Variants in GUCY1A2 observed in about 807,000 individuals in gnomAD.
GUCY1A2 encodes guanylate cyclase soluble subunit alpha-2.
A neutral mutation model predicts 63.5 loss-of-function variants in GUCY1A2; 27 were observed. The ratio of observed to expected loss-of-function variants is 0.43; its 90% CI spans 0.31 to 0.59. The LOEUF (loss-of-function observed/expected upper bound fraction) is 0.59. Ranked by LOEUF, GUCY1A2 falls within the 20% of genes least tolerant of loss-of-function variation. GUCY1A2 has a pLI of 0.11. For synonymous variants in GUCY1A2, 364 were observed against 343.5 expected, an observed-to-expected ratio of 1.06 and a Z score of -0.66; for missense variants, 768 against 913.3, an observed-to-expected ratio of 0.84 and a Z score of 2.05.
intron 4 of GUCY1A2, among the ~76,000 whole-genome samples, chr11:106,847,552 C>T (rs2135448194): frequency 6.6e-6 from 1 of 151,230 alleles, no homozygotes; most frequent in South Asian, 2.1e-4. Context: ...CCCTGGGGAC[C>T]CAAAGGAAGG....
intron 4 of GUCY1A2, among the ~76,000 whole-genome samples, chr11:106,935,103 G>C (rs1337608012): frequency 6.6e-6 from 1 of 152,136 alleles, no homozygotes; most frequent in East Asian, 1.9e-4. Flanking sequence ...TAGAATGTGT[G>C]ACAAGTGGTC....
chr11:106,882,322 T>C (rs562984589), intron 4 of GUCY1A2, among the ~76,000 whole-genome samples: 23 of 152,112 alleles, frequency 1.5e-4, no homozygotes, highest in African/African-American at 5.5e-4. Flanking sequence ...ACTTACATTA[T>C]GCAAAATGGA....
rs551336128 is a variant in GUCY1A2 at position 106,935,003 on chromosome 11, G to A, written c.1206+4457C>T. ...TAGTAGATACAGGTAATGAAAACTC[G>A]ATTCCAAACCTTCATCAATCTGACA... On this transcript the variant is annotated intron_variant, in intron 4 of 7. Transcript: ENST00000526355. Among the ~76,000 whole-genome samples the A allele has an allele frequency of 3.0e-4, 45 of 152,254 alleles. No homozygotes were observed. The South Asian group carries it at 5.0e-3, about 17-fold the overall frequency.
intron 6 of GUCY1A2, among the ~76,000 whole-genome samples, chr11:106,744,463 T>C (rs1476212780): frequency 6.6e-6 from 1 of 152,190 alleles, no homozygotes; most frequent in East Asian, 1.9e-4. Context: ...CATAAATGCT[T>C]TTTAAATCAT....
At chr11:106,787,065 A>C (rs1297568385) in intron 5 of GUCY1A2, among the ~76,000 whole-genome samples, 3 of 152,126 alleles carry the variant, frequency 2.0e-5, no homozygotes, top group Admixed American at 6.5e-5. Flanking sequence ...TCAAGTGAAA[A>C]TATTAAGAAT....
chr11:106,909,777 T>C (rs1275970471), intron 4 of GUCY1A2, among the ~76,000 whole-genome samples: 2 of 151,982 alleles, frequency 1.3e-5, no homozygotes, highest in East Asian at 3.9e-4. Flanking sequence ...TGGGTTGCTT[T>C]TGGTTTTTAG....
chr11:106,960,968 G>A (rs538983186), intron 3 of GUCY1A2, among the ~76,000 whole-genome samples: 77 of 152,138 alleles, frequency 5.1e-4, no homozygotes, highest in African/African-American at 1.8e-3. Flanking sequence ...TTAAATTTGG[G>A]GAACAGTGAG....
At chr11:106,759,125 T>C (rs1864021716) in intron 6 of GUCY1A2, among the ~76,000 whole-genome samples, 1 of 150,648 alleles carries the variant, frequency 6.6e-6, no homozygotes, top group South Asian at 2.1e-4. Flanking sequence ...GTAACAAACA[T>C]GCACATGTAC....
At chr11:106,895,994 G>A (rs1250432098) in intron 4 of GUCY1A2, among the ~76,000 whole-genome samples, 1 of 145,910 alleles carries the variant, frequency 6.9e-6, no homozygotes, top group Non-Finnish European at 1.5e-5. Flanking sequence ...GGGCGACAGA[G>A]CAAGACTCTG....
chr11:106,756,033 G>A (rs1050148530), intron 6 of GUCY1A2, among the ~76,000 whole-genome samples: 12 of 152,138 alleles, frequency 7.9e-5, no homozygotes, highest in Non-Finnish European at 1.3e-4. Flanking sequence ...GGGTGCTCCT[G>A]TATTGGGTGC....
chr11:106,796,894 T>C (rs1210715976), intron 5 of GUCY1A2, among the ~76,000 whole-genome samples: 1 of 152,160 alleles, frequency 6.6e-6, no homozygotes, highest in East Asian at 1.9e-4. Flanking sequence ...CCATTCTTCC[T>C]GTCACTTTCA....
intron 5 of GUCY1A2, among the ~76,000 whole-genome samples, chr11:106,790,440 G>C (rs1864637958): frequency 6.6e-6 from 1 of 152,182 alleles, no homozygotes; most frequent in Non-Finnish European, 1.5e-5. Context: ...ACAAGAGCAA[G>C]GCCTAGAATC....
At chr11:107,005,887 G>A (rs968135500) in intron 1 of GUCY1A2, among the ~76,000 whole-genome samples, 4 of 152,104 alleles carry the variant, frequency 2.6e-5, no homozygotes, top group Admixed American at 2.0e-4. Flanking sequence ...CACTAAACAC[G>A]AACCATGACA....
intron 4 of GUCY1A2, among the ~76,000 whole-genome samples, chr11:106,874,005 GA>G (rs1365885116): frequency 6.6e-6 from 1 of 152,024 alleles, no homozygotes; most frequent in African/African-American, 2.4e-5. Context: ...GAGCTTTCTG[GA>G]ACCTCTGATA....
chr11:107,014,295 A>G (rs1861789672), intron 1 of GUCY1A2, among the ~76,000 whole-genome samples: 1 of 151,482 alleles, frequency 6.6e-6, no homozygotes, highest in South Asian at 2.1e-4. Flanking sequence ...CACCATGTTG[A>G]CCAGGATGGT....
intron 6 of GUCY1A2, among the ~76,000 whole-genome samples, chr11:106,754,429 G>A (rs909934109): frequency 2.5e-4 from 38 of 152,150 alleles, no homozygotes; most frequent in African/African-American, 9.2e-4. Flanking sequence ...TCCCTGTCTT[G>A]TGCCAGTTTT....
chr11:106,797,536 G>A (rs1195425529), intron 5 of GUCY1A2, among the ~76,000 whole-genome samples: 1 of 151,752 alleles, frequency 6.6e-6, no homozygotes, highest in African/African-American at 2.4e-5. Flanking sequence ...TGGAAGTAAA[G>A]CACTCCTCAA....
chr11:106,847,784 TAAAG>T (rs958963659), intron 4 of GUCY1A2, among the ~76,000 whole-genome samples: 1 of 151,664 alleles, frequency 6.6e-6, no homozygotes, highest in South Asian at 2.1e-4. Flanking sequence ...GATAAGAGGC[TAAAG>T]AAAGGACAGA....
chr11:106,737,629 A>C (rs1863614332), intron 6 of GUCY1A2, among the ~76,000 whole-genome samples: 1 of 152,072 alleles, frequency 6.6e-6, no homozygotes, highest in African/African-American at 2.4e-5. Context: ...ACTCCCACTT[A>C]TGAGTGAGAA....
Sources: gnomAD v4.1 joint callset for allele counts (sites outside exome capture counted in the v4.1 genomes callset) on GRCh38, gnomAD v4.1.1 for gene constraint, MANE v1.5 for transcripts, NCBI Gene and HGNC (gene_info 2026-07-23, HGNC 2026-07-21) for gene names.